The following CDC40 variants were observed in gnomAD, a reference collection of about 807,000 sequenced individuals.
The protein encoded by CDC40 is cell division cycle 40.
CDC40 carries 27 observed loss-of-function variants against 80.6 expected under a neutral mutation model. The ratio of observed to expected loss-of-function variants is 0.33; its 90% CI spans 0.25 to 0.46. The LOEUF is 0.46. CDC40 is among the 20% of genes least tolerant of loss of function. The pLI, the probability that CDC40 is intolerant of heterozygous loss-of-function variation, is 1.00. For synonymous variants in CDC40, 221 were observed against 232.6 expected (o/e 0.95, Z 0.45); for missense variants, 486 against 694.1 (o/e 0.70, Z 3.37).
chr6:110,229,029 T>C (rs1189215584), intron 14 of CDC40, 53 bp downstream of exon 14: 1 of 1,387,816 alleles, frequency 7.2e-7, no homozygotes, highest in Non-Finnish European at 9.9e-7. Flanking sequence ...TTATATAAAC[T>C]GTTGTTGTAC....
At chr6:110,192,506 AT>A (rs770749409) in intron 1 of CDC40, among the ~76,000 whole-genome samples, 20 of 152,212 alleles carry the variant, frequency 1.3e-4, no homozygotes, top group Admixed American at 2.6e-4. Context: ...TCTGTTAGAT[AT>A]CCTGGGAGAA....
chr6:110,203,654 T>C (rs1777521167), intron 3 of CDC40, among the ~76,000 whole-genome samples: 1 of 152,246 alleles, frequency 6.6e-6, no homozygotes, highest in East Asian at 1.9e-4. Flanking sequence ...TATTCTACAA[T>C]GCAGTTAGTT....
At chr6:110,223,744 T>G (rs971698664) in intron 12 of CDC40, among the ~76,000 whole-genome samples, 1 of 152,214 alleles carries the variant, frequency 6.6e-6, no homozygotes, top group Admixed American at 6.5e-5. Context: ...CTACACAAAC[T>G]AACTCTTATG....
At chr6:110,205,647 A>T (rs530197519) in intron 3 of CDC40, among the ~76,000 whole-genome samples, 82 of 152,302 alleles carry the variant, frequency 5.4e-4, no homozygotes, top group African/African-American at 1.9e-3. Context: ...GACAAGGACC[A>T]GGGATACCTC....
intron 13 of CDC40, among the ~76,000 whole-genome samples, chr6:110,228,493 C>A (rs189963401): frequency 6.6e-6 from 1 of 152,014 alleles, no homozygotes; most frequent in Non-Finnish European, 1.5e-5. Flanking sequence ...GTTCTGTTGT[C>A]TATACTTACT....
chr6:110,188,931 A>G (rs1451021944), intron 1 of CDC40, among the ~76,000 whole-genome samples: 1 of 152,204 alleles, frequency 6.6e-6, no homozygotes, highest in African/African-American at 2.4e-5. Flanking sequence ...CTACTTGTCA[A>G]AGCTGATTCT....
chr6:110,219,115 A>G (rs947427954), intron 10 of CDC40, among the ~76,000 whole-genome samples: 1 of 152,168 alleles, frequency 6.6e-6, no homozygotes, highest in Non-Finnish European at 1.5e-5. Flanking sequence ...TATTGCTTGC[A>G]CTATTCCATT....
chr6:110,194,345 G>A (rs908788324), intron 2 of CDC40, among the ~76,000 whole-genome samples: 1 of 152,180 alleles, frequency 6.6e-6, no homozygotes, highest in Non-Finnish European at 1.5e-5. Context: ...GGAAAATGAT[G>A]TAACATTTTT....
chr6:110,215,356 T>A (rs1485264050), intron 9 of CDC40, 25 bp downstream of exon 9: 3 of 1,591,492 alleles, frequency 1.9e-6, no homozygotes, highest in Admixed American at 1.7e-5. Context: ...CTCTCCAACA[T>A]AAATCTGGGA....
At chr6:110,204,927 A>G (rs1044246010) in intron 3 of CDC40, among the ~76,000 whole-genome samples, 2 of 152,066 alleles carry the variant, frequency 1.3e-5, no homozygotes, top group African/African-American at 4.8e-5. Flanking sequence ...TTGGCCTCCC[A>G]AAGTGCTGGG....
intron 3 of CDC40, among the ~76,000 whole-genome samples, chr6:110,204,810 C>T (rs1026375828): frequency 2.0e-5 from 3 of 151,814 alleles, no homozygotes; most frequent in African/African-American, 4.8e-5. Flanking sequence ...CAGGCATGAA[C>T]GACCACACAT....
intron 13 of CDC40, among the ~76,000 whole-genome samples, chr6:110,227,585 A>G (rs1349146263): frequency 1.3e-5 from 2 of 152,204 alleles, no homozygotes; most frequent in Non-Finnish European, 2.9e-5. Context: ...CTTAGTAAGT[A>G]ATGTTTACAT....
intron 2 of CDC40, among the ~76,000 whole-genome samples, chr6:110,195,551 A>G (rs1238097239): frequency 1.3e-5 from 2 of 152,202 alleles, no homozygotes; most frequent in Admixed American, 6.5e-5. Flanking sequence ...TCGTAGGTAA[A>G]ATGAAGATAA....
At chr6:110,182,785 C>T (rs1466017704) in intron 1 of CDC40, among the ~76,000 whole-genome samples, 8 of 152,200 alleles carry the variant, frequency 5.3e-5, no homozygotes, top group Non-Finnish European at 1.0e-4. Flanking sequence ...CATCATTTCT[C>T]TTCAGACAGT....
intron 5 of CDC40, 88 bp downstream of exon 5, chr6:110,209,311 A>G (rs372395728): frequency 1.6e-6 from 2 of 1,226,378 alleles, no homozygotes; most frequent in African/African-American, 3.0e-5. Context: ...AGATTTCTTT[A>G]GAGAACCAAA....
At chr6:110,193,631 TCCTGACC>T in intron 2 of CDC40, among the ~76,000 whole-genome samples, 1 of 152,236 alleles carries the variant, frequency 6.6e-6, no homozygotes, top group Admixed American at 6.5e-5. Context: ...GGTCTCAATC[TCCTGACC>T]TCATGATCCG....
intron 1 of CDC40, among the ~76,000 whole-genome samples, chr6:110,186,011 G>A (rs1777264840): frequency 6.6e-6 from 1 of 152,160 alleles, no homozygotes; most frequent in African/African-American, 2.4e-5. Context: ...CTTCTACTGA[G>A]CAATGCGAGA....
At chr6:110,212,536 C>T in intron 7 of CDC40, among the ~76,000 whole-genome samples, 1 of 152,182 alleles carries the variant, frequency 6.6e-6, no homozygotes, top group East Asian at 1.9e-4. Flanking sequence ...TCCCCACAAG[C>T]TCCTGCTACA....
chr6:110,194,423 C>A (rs1777391795), intron 2 of CDC40, among the ~76,000 whole-genome samples: 1 of 152,220 alleles, frequency 6.6e-6, no homozygotes, highest in African/African-American at 2.4e-5. Context: ...TAGTACTTTT[C>A]CTGCCTAGGT....
Sources: gnomAD v4.1 joint callset for allele counts (sites outside exome capture counted in the v4.1 genomes callset) on GRCh38, gnomAD v4.1.1 for gene constraint, MANE v1.5 for transcripts, NCBI Gene and HGNC (gene_info 2026-07-23, HGNC 2026-07-21) for gene names.